The following LARP1 variants were observed in gnomAD, a reference collection of about 807,000 sequenced individuals.
The protein encoded by LARP1 is La ribonucleoprotein 1, translational regulator, also known as la-related protein 1.
LARP1 carries 36 observed loss-of-function variants against 122.7 expected under a neutral mutation model. The observed-to-expected ratio is 0.29, with a 90% CI of 0.22 to 0.39. The LOEUF (loss-of-function observed/expected upper bound fraction) is 0.39. Ranked by LOEUF, LARP1 falls within the 10% of genes least tolerant of loss-of-function variation. The pLI, the probability that LARP1 is intolerant of heterozygous loss-of-function variation, is 1.00. For synonymous variants in LARP1, 539 were observed against 528.7 expected, an observed-to-expected ratio of 1.02 and a Z score of -0.27; for missense variants, 1,040 against 1,403.6, an observed-to-expected ratio of 0.74 and a Z score of 4.14.
At position 154,811,678 on chromosome 5, in the gene LARP1, A is replaced by C. The variant is rs765290306; in HGVS notation, c.3081+38A>C. 1.6e-5 allele frequency: 26 copies of C among 1,612,014 alleles called. No homozygotes were observed. The Middle Eastern group carries it at 4.9e-4, about 31-fold the overall frequency. On this transcript the variant is annotated intron_variant, in intron 18 of 18. Coordinates refer to ENST00000518297, the MANE Select transcript of LARP1 (RefSeq NM_033551.3). ...CTTTCTCTAACTCTGCTTGTCCTGGAAAGAAAACTGGACCAGGAATCAGGA... is the reference window on the plus strand; with the variant it reads ...CTTTCTCTAACTCTGCTTGTCCTGGCAAGAAAACTGGACCAGGAATCAGGA...
At chr5:154,717,215 CT>C (rs1204363066) in intron 1 of LARP1, among the ~76,000 whole-genome samples, 1 of 152,130 alleles carries the variant, frequency 6.6e-6, no homozygotes, top group Non-Finnish European at 1.5e-5. Context: ...TGAGCTGCTG[CT>C]TTTAAACAGG....
Position 154,808,644 on chromosome 5 carries a change from G to A in LARP1, c.2843+41G>A, listed in dbSNP as rs1312888513. ...TGGGGGACTTTGGCTGGTGCTTAGG[G>A]ATGATGTGGGATCCCTAGTTGGTCT... On this transcript the variant is annotated intron_variant, in intron 16 of 18. Coordinates refer to ENST00000518297, the MANE Select transcript of LARP1 (RefSeq NM_033551.3). The A allele has an allele frequency of 2.5e-6, 4 of 1,578,278 alleles. No homozygotes were observed. The South Asian group carries it at 3.5e-5, about 14-fold the overall frequency.
intron 1 of LARP1, among the ~76,000 whole-genome samples, chr5:154,693,728 C>G (rs1228320765): frequency 1.3e-5 from 2 of 151,930 alleles, no homozygotes; most frequent in Non-Finnish European, 2.9e-5. Flanking sequence ...TGGTGGCGGG[C>G]TCCTGTAGTC....
chr5:154,693,529 T>G (rs1754319975), intron 1 of LARP1, among the ~76,000 whole-genome samples: 1 of 152,158 alleles, frequency 6.6e-6, no homozygotes, highest in African/African-American at 2.4e-5. Context: ...GTCTCATTTA[T>G]TAATTTAAAA....
intron 1 of LARP1, among the ~76,000 whole-genome samples, chr5:154,698,034 T>C (rs2113234334): frequency 6.6e-6 from 1 of 152,190 alleles, no homozygotes; most frequent in South Asian, 2.1e-4. Context: ...TGGTTTTTTT[T>C]TTTAAATTAC....
In LARP1 at chr5:154,790,392, G is replaced by C. The variant is rs774292320; in HGVS notation, c.498+6G>C. 6.2e-7 allele frequency: 1 copy of C among 1,613,006 alleles called. No homozygotes were observed. Among genetic ancestry groups the C allele is most frequent in the Non-Finnish European group, 8.5e-7 (1 of 1,179,314 alleles). On this transcript the variant is annotated splice_donor_region_variant and intron_variant, in intron 2 of 18. Transcript: ENST00000518297. Reference sequence around the variant, plus strand: ...AACAGCGCAAAGGCAGCAAGGTAAAGAATAACAGTGGGCAACCCAAGGGGA... The same window carrying C: ...AACAGCGCAAAGGCAGCAAGGTAAACAATAACAGTGGGCAACCCAAGGGGA...
At chr5:154,767,644 A>G (rs1377367575) in intron 1 of LARP1, among the ~76,000 whole-genome samples, 1 of 152,228 alleles carries the variant, frequency 6.6e-6, no homozygotes, top group Admixed American at 6.5e-5. Flanking sequence ...GGCGTTTTGC[A>G]GTAAAACTCT....
At chr5:154,770,754 C>G (rs1387002141) in intron 1 of LARP1, among the ~76,000 whole-genome samples, 1 of 152,118 alleles carries the variant, frequency 6.6e-6, no homozygotes, top group Non-Finnish European at 1.5e-5. Context: ...GACTGGAGTT[C>G]TGATTTTAGT....
At chr5:154,793,230 A>G (rs973110844) in intron 4 of LARP1, among the ~76,000 whole-genome samples, 1 of 151,728 alleles carries the variant, frequency 6.6e-6, no homozygotes, top group Non-Finnish European at 1.5e-5. Context: ...CCTTTTAGGG[A>G]CTCAACCTGG....
At chr5:154,738,578 C>T (rs565007356) in intron 1 of LARP1, among the ~76,000 whole-genome samples, 11 of 151,374 alleles carry the variant, frequency 7.3e-5, no homozygotes, top group South Asian at 2.1e-4. Flanking sequence ...GGGGACAGAG[C>T]GAGACTCCGT....
intron 1 of LARP1, among the ~76,000 whole-genome samples, chr5:154,768,492 A>C (rs1193511421): frequency 6.6e-6 from 1 of 152,240 alleles, no homozygotes; most frequent in Non-Finnish European, 1.5e-5. Flanking sequence ...AATTATCTGG[A>C]AACCTAGGGA....
At position 154,816,878 on chromosome 5, in the gene LARP1, CT is replaced by C. The variant is rs1404295892; in HGVS notation, c.*2783del. ...GGCAGGTTTCTCTTTAGCCCTCTTC[CT>C]GCACTTGGGAGCAAAGGCACTACCA... On this transcript the variant is annotated 3_prime_UTR_variant, in exon 19 of 19. Coordinates refer to ENST00000518297, the MANE Select transcript of LARP1 (RefSeq NM_033551.3). 6.6e-6 allele frequency: 1 copy of C among 152,280 alleles called. No homozygotes were observed. Among genetic ancestry groups the C allele is most frequent in the African/African-American group, 2.4e-5 (1 of 41,460 alleles). The allele number at this position is 152,280 out of a possible 1,614,324, so 9.4% of individuals were successfully genotyped here.
At chr5:154,737,958 T>TTG (rs572824803) in intron 1 of LARP1, among the ~76,000 whole-genome samples, 18 of 152,232 alleles carry the variant, frequency 1.2e-4, no homozygotes, top group Non-Finnish European at 2.5e-4. Flanking sequence ...CTCTCAGATC[T>TTG]TGTCTTCATC....
At chr5:154,689,847 C>T (rs1477616569) in intron 1 of LARP1, among the ~76,000 whole-genome samples, 1 of 151,954 alleles carries the variant, frequency 6.6e-6, no homozygotes, top group Admixed American at 6.6e-5. Flanking sequence ...GAGGCCAAGG[C>T]GGGCGGATCA....
chr5:154,712,597 T>C (rs1298709978), upstream of LARP1, among the ~76,000 whole-genome samples: 1 of 152,180 alleles, frequency 6.6e-6, no homozygotes, highest in Non-Finnish European at 1.5e-5. Context: ...AGCCCCAGCT[T>C]GTTTTCCAGG....
chr5:154,811,117 T>C (rs1405348848), intron 16 of LARP1, 130 bp from the exon 17 acceptor site: 5 of 662,796 alleles, frequency 7.5e-6, no homozygotes, highest in Non-Finnish European at 1.3e-5. Context: ...TCTAAAAGCG[T>C]GTATGCTGTT....
chr5:154,785,357 G>C (rs1241757477), intron 1 of LARP1, among the ~76,000 whole-genome samples: 1 of 152,154 alleles, frequency 6.6e-6, no homozygotes, highest in East Asian at 1.9e-4. Flanking sequence ...CTTTCATTTT[G>C]AGAGATGATT....
At chr5:154,765,732 C>G (rs1336558456) in intron 1 of LARP1, among the ~76,000 whole-genome samples, 4 of 152,184 alleles carry the variant, frequency 2.6e-5, no homozygotes, top group African/African-American at 9.7e-5. Flanking sequence ...GGGTCAGGGA[C>G]TTCGATACCT....
At chr5:154,782,344 A>G (rs1756519713) in intron 1 of LARP1, among the ~76,000 whole-genome samples, 1 of 152,194 alleles carries the variant, frequency 6.6e-6, no homozygotes, top group South Asian at 2.1e-4. Flanking sequence ...GGCCGCTGAT[A>G]TATTTCAGCT....
Sources: gnomAD v4.1 joint callset for allele counts (sites outside exome capture counted in the v4.1 genomes callset) on GRCh38, gnomAD v4.1.1 for gene constraint, MANE v1.5 for transcripts, NCBI Gene and HGNC (gene_info 2026-07-23, HGNC 2026-07-21) for gene names.